Variants in TAFA1 observed in about 807,000 individuals in gnomAD.
The protein encoded by TAFA1 is TAFA chemokine like family member 1.
A neutral mutation model predicts 18.5 loss-of-function variants in TAFA1; 4 were observed. The ratio of observed to expected loss-of-function variants is 0.22; its 90% CI spans 0.11 to 0.49. The LOEUF (loss-of-function observed/expected upper bound fraction) is 0.49, where lower values mean the gene tolerates loss of function less well. TAFA1 is among the 20% of genes least tolerant of loss of function. TAFA1 has a pLI of 0.98. For missense variants in TAFA1, 147 were observed against 169.0 expected, an observed-to-expected ratio of 0.87 and a Z score of 0.72; for synonymous variants, 56 against 55.2, an observed-to-expected ratio of 1.01 and a Z score of -0.06.
chr3:68,472,281 C>T (rs1387551178), intron 3 of TAFA1, among the ~76,000 whole-genome samples: 1 of 152,134 alleles, frequency 6.6e-6, no homozygotes, highest in Non-Finnish European at 1.5e-5. Flanking sequence ...CCCATACAAA[C>T]TCTCTTGCCT....
At chr3:68,457,294 C>T (rs2071683547) in intron 3 of TAFA1, among the ~76,000 whole-genome samples, 1 of 152,066 alleles carries the variant, frequency 6.6e-6, no homozygotes, top group Admixed American at 6.6e-5. Context: ...TAAATTTTAA[C>T]AAATTTTAAC....
Position 68,363,458 on chromosome 3 carries a change from A to G in TAFA1, c.119-53822A>G, listed in dbSNP as rs111561680. Among the ~76,000 whole-genome samples the G allele has an allele frequency of 2.6e-5, 4 of 152,244 alleles. 1 individual carries two copies. Among genetic ancestry groups the G allele is most frequent in the East Asian group, 1.9e-4 (1 of 5,174 alleles). On this transcript the variant is annotated intron_variant, in intron 2 of 4. Transcript: ENST00000478136. ...TTCCCACTTGATAGATGAAAACACC[A>G]ATGTTCAAAGAGGCTGAATGACTTT...
chr3:68,245,471 A>G (rs547014479), intron 2 of TAFA1, among the ~76,000 whole-genome samples: 1 of 152,290 alleles, frequency 6.6e-6, no homozygotes, highest in East Asian at 1.9e-4. Context: ...CTCAATTTAC[A>G]TATATTTCTA....
At chr3:68,167,947 T>C (rs918459404) in intron 2 of TAFA1, among the ~76,000 whole-genome samples, 4 of 152,022 alleles carry the variant, frequency 2.6e-5, no homozygotes, top group African/African-American at 9.7e-5. Context: ...AACCCACGTG[T>C]TTTTTTAAGA....
chr3:68,173,280 A>C (rs1211339188), intron 2 of TAFA1, among the ~76,000 whole-genome samples: 6 of 150,998 alleles, frequency 4.0e-5, no homozygotes, highest in Non-Finnish European at 7.4e-5. Context: ...AAGATGTAAA[A>C]ACTGTCACAG....
At chr3:68,304,457 A>G (rs2068369243) in intron 2 of TAFA1, among the ~76,000 whole-genome samples, 1 of 152,186 alleles carries the variant, frequency 6.6e-6, no homozygotes, top group African/African-American at 2.4e-5. Context: ...AATCTGAATG[A>G]GGGGTGTGAT....
At chr3:68,218,223 A>T (rs1407942503) in intron 2 of TAFA1, among the ~76,000 whole-genome samples, 2 of 152,116 alleles carry the variant, frequency 1.3e-5, no homozygotes, top group Admixed American at 1.3e-4. Context: ...ATTTAAATAG[A>T]TGTTGATTTC....
intron 2 of TAFA1, among the ~76,000 whole-genome samples, chr3:68,081,340 G>C (rs1005538264): frequency 1.1e-4 from 17 of 152,084 alleles, no homozygotes; most frequent in Admixed American, 7.9e-4. Context: ...ATCCAGCTTT[G>C]TTCCGTTGCT....
intron 3 of TAFA1, among the ~76,000 whole-genome samples, chr3:68,424,706 A>T (rs1688422654): frequency 1.3e-5 from 2 of 152,158 alleles, no homozygotes; most frequent in South Asian, 2.1e-4. Flanking sequence ...ATAACATGAG[A>T]TATATGTGAG....
At chr3:68,434,442 T>G (rs1255392969) in intron 3 of TAFA1, among the ~76,000 whole-genome samples, 1 of 152,074 alleles carries the variant, frequency 6.6e-6, no homozygotes, top group Non-Finnish European at 1.5e-5. Flanking sequence ...CCATAGAACC[T>G]TATTAGATAC....
intron 3 of TAFA1, among the ~76,000 whole-genome samples, chr3:68,485,447 C>T (rs1165084665): frequency 6.6e-6 from 1 of 152,160 alleles, no homozygotes; most frequent in African/African-American, 2.4e-5. Context: ...CCTCTACTGA[C>T]AAAGTCAGAA....
intron 2 of TAFA1, among the ~76,000 whole-genome samples, chr3:68,095,022 C>G (rs765498861): frequency 3.3e-5 from 5 of 152,154 alleles, no homozygotes; most frequent in Non-Finnish European, 7.4e-5. Context: ...GGTCACCCAT[C>G]ATGGAAATGG....
chr3:68,280,833 C>T (rs1226482811), intron 2 of TAFA1, among the ~76,000 whole-genome samples: 1 of 152,054 alleles, frequency 6.6e-6, no homozygotes, highest in Non-Finnish European at 1.5e-5. Context: ...AGGATAATAA[C>T]CAGTTTCTTC....
chr3:68,356,112 C>G (rs369605184), intron 2 of TAFA1, among the ~76,000 whole-genome samples: 2 of 151,964 alleles, frequency 1.3e-5, no homozygotes, highest in East Asian at 1.9e-4. Flanking sequence ...ATTTCCACCA[C>G]AATAGAAAGT....
chr3:68,491,553 G>C (rs1017825622), intron 3 of TAFA1, among the ~76,000 whole-genome samples: 2 of 108,294 alleles, frequency 1.8e-5, no homozygotes, highest in East Asian at 3.3e-4. Context: ...GGTGGGGGGA[G>C]GGGGGAGGGA....
At chr3:68,462,114 CT>C (rs928251872) in intron 3 of TAFA1, among the ~76,000 whole-genome samples, 1 of 151,982 alleles carries the variant, frequency 6.6e-6, no homozygotes, top group Non-Finnish European at 1.5e-5. Context: ...AGATTTTTGG[CT>C]TTTTATTTGT....
At chr3:68,227,205 A>C (rs886971367) in intron 2 of TAFA1, among the ~76,000 whole-genome samples, 2 of 152,190 alleles carry the variant, frequency 1.3e-5, no homozygotes, top group African/African-American at 2.4e-5. Flanking sequence ...ATTCACATAA[A>C]AATTTGTATT....
intron 2 of TAFA1, among the ~76,000 whole-genome samples, chr3:68,392,596 G>T: frequency 6.6e-6 from 1 of 151,940 alleles, no homozygotes; most frequent in East Asian, 1.9e-4. Context: ...TCTAAAACTG[G>T]CCACATACTT....
chr3:68,458,031 A>C (rs1392582195), intron 3 of TAFA1, among the ~76,000 whole-genome samples: 1 of 152,168 alleles, frequency 6.6e-6, no homozygotes, highest in Admixed American at 6.6e-5. Context: ...GTCTGGATTT[A>C]TGGCCCCACC....
Sources: allele counts gnomAD v4.1 joint callset (sites outside exome capture counted in the v4.1 genomes callset), GRCh38; gene constraint gnomAD v4.1.1; transcripts MANE v1.5; gene names NCBI Gene and HGNC (gene_info 2026-07-23, HGNC 2026-07-21).